CDKAL1: variants seen among roughly 807,000 people sequenced by gnomAD.
CDKAL1 encodes the protein threonylcarbamoyladenosine tRNA methylthiotransferase.
A neutral mutation model predicts 68.2 loss-of-function variants in CDKAL1; 32 were observed. The observed-to-expected ratio is 0.47, with a 90% CI of 0.35 to 0.63. CDKAL1 has a LOEUF of 0.63. Ranked by LOEUF, CDKAL1 falls within the 30% of genes least tolerant of loss-of-function variation. The pLI is 0.00. For missense variants in CDKAL1, 606 were observed against 696.7 expected (o/e 0.87, Z 1.47); for synonymous variants, 234 against 244.3 (o/e 0.96, Z 0.39).
At chr6:20,996,775 A>T (rs1767137886) in intron 10 of CDKAL1, among the ~76,000 whole-genome samples, 1 of 152,248 alleles carries the variant, frequency 6.6e-6, no homozygotes, top group South Asian at 2.1e-4. Context: ...CATGCTTGAC[A>T]CAGGGTTGCC....
At chr6:21,013,633 A>G (rs1768141177) in intron 11 of CDKAL1, among the ~76,000 whole-genome samples, 2 of 152,208 alleles carry the variant, frequency 1.3e-5, no homozygotes, top group South Asian at 4.1e-4. Flanking sequence ...CTCTATAGCT[A>G]TAGACTAAGT....
intron 6 of CDKAL1, among the ~76,000 whole-genome samples, chr6:20,748,473 G>A (rs1300946093): frequency 1.4e-5 from 2 of 147,720 alleles, no homozygotes; most frequent in Non-Finnish European, 3.0e-5. Flanking sequence ...GCTGTGGTGA[G>A]TTCCAGGCTG....
At chr6:20,884,483 C>T (rs960936448) in intron 9 of CDKAL1, among the ~76,000 whole-genome samples, 6 of 152,272 alleles carry the variant, frequency 3.9e-5, no homozygotes, top group Non-Finnish European at 5.9e-5. Flanking sequence ...TGCTATTCAA[C>T]GTTGTACTCG....
At chr6:20,611,705 T>C (rs1311973750) in intron 4 of CDKAL1, among the ~76,000 whole-genome samples, 5 of 152,168 alleles carry the variant, frequency 3.3e-5, no homozygotes, top group Non-Finnish European at 7.3e-5. Context: ...ATATTTGGGG[T>C]GTTCATTGCC....
intron 5 of CDKAL1, among the ~76,000 whole-genome samples, chr6:20,695,289 C>T (rs916921397): frequency 2.0e-5 from 3 of 152,158 alleles, no homozygotes; most frequent in Non-Finnish European, 4.4e-5. Flanking sequence ...TAAAAAATAT[C>T]TAGGGCTTTT....
At chr6:21,197,975 T>C in intron 13 of CDKAL1, 46 bp from the exon 14 acceptor site, 1 of 1,209,608 alleles carries the variant, frequency 8.3e-7, no homozygotes, top group Non-Finnish European at 1.2e-6. Flanking sequence ...GATTCACAGG[T>C]GTTTACCCTT....
intron 11 of CDKAL1, 102 bp from the exon 12 acceptor site, chr6:21,064,942 TAAAA>T: frequency 1.4e-6 from 1 of 704,326 alleles, no homozygotes; most frequent in Non-Finnish European, 2.1e-6. Flanking sequence ...GTGCTTTTTA[TAAAA>T]ATAAATTTTA....
intron 4 of CDKAL1, among the ~76,000 whole-genome samples, chr6:20,579,680 G>A (rs1411704014): frequency 6.6e-6 from 1 of 152,108 alleles, no homozygotes; most frequent in Non-Finnish European, 1.5e-5. Context: ...AACCTGGCTG[G>A]TCTGATTTCA....
intron 5 of CDKAL1, among the ~76,000 whole-genome samples, chr6:20,691,720 G>A (rs1387623536): frequency 6.6e-6 from 1 of 152,094 alleles, no homozygotes; most frequent in African/African-American, 2.4e-5. Flanking sequence ...GTGAAAGAAA[G>A]CTCATTATGC....
intron 8 of CDKAL1, among the ~76,000 whole-genome samples, chr6:20,818,945 A>G (rs922988012): frequency 2.6e-5 from 4 of 151,992 alleles, no homozygotes; most frequent in Non-Finnish European, 5.9e-5. Flanking sequence ...ATTAACTGTT[A>G]TAGGAGTGTA....
intron 5 of CDKAL1, among the ~76,000 whole-genome samples, chr6:20,679,895 A>T (rs950003453): frequency 2.0e-5 from 3 of 151,848 alleles, no homozygotes; most frequent in African/African-American, 7.3e-5. Context: ...GTACTGGTTG[A>T]CCCTTTTAAT....
At position 21,226,913 on chromosome 6, in the gene CDKAL1, C is replaced by T. The variant is rs190599433; in HGVS notation, c.1549-3935C>T. On this transcript the variant is annotated intron_variant, in intron 15 of 15. Coordinates refer to ENST00000274695, the MANE Select transcript of CDKAL1 (RefSeq NM_017774.3). ...ATTTTTAATAGAGACGGGGTTTCAC[C>T]GTGTTAGCCAGGATGGTCTCATCTC... is the stretch of plus-strand genomic sequence containing the variant. Among the ~76,000 whole-genome samples the T allele has an allele frequency of 3.2e-3, 492 of 152,316 alleles. 4 individuals carry two copies. The highest frequency in any genetic ancestry group is 0.011 in the African/African-American group (463 of 41,572).
intron 8 of CDKAL1, among the ~76,000 whole-genome samples, chr6:20,783,090 C>T (rs1391872429): frequency 5.9e-5 from 9 of 152,056 alleles, no homozygotes; most frequent in South Asian, 4.1e-4. Context: ...CCACCATGCC[C>T]GGTTAATTTT....
At chr6:20,991,575 C>T (rs182369804) in intron 10 of CDKAL1, among the ~76,000 whole-genome samples, 1 of 151,592 alleles carries the variant, frequency 6.6e-6, no homozygotes, top group African/African-American at 2.4e-5. Context: ...GGCATGGTGG[C>T]GGGCGCCTGT....
At chr6:21,112,571 T>C (rs1774178515) in intron 13 of CDKAL1, among the ~76,000 whole-genome samples, 1 of 152,228 alleles carries the variant, frequency 6.6e-6, no homozygotes, top group Non-Finnish European at 1.5e-5. Context: ...AACATTGTCA[T>C]CTAGCTCCTG....
chr6:20,602,795 G>A (rs534406067), intron 4 of CDKAL1, among the ~76,000 whole-genome samples: 48 of 152,278 alleles, frequency 3.2e-4, no homozygotes, highest in African/African-American at 1.1e-3. Flanking sequence ...TTGGAGCAGT[G>A]AGGCATTCTT....
intron 11 of CDKAL1, among the ~76,000 whole-genome samples, chr6:21,014,330 G>A (rs954011602): frequency 6.6e-6 from 1 of 152,210 alleles, no homozygotes; most frequent in Non-Finnish European, 1.5e-5. Context: ...CGGGCCGGGT[G>A]TGGTGGCTCA....
intron 14 of CDKAL1, among the ~76,000 whole-genome samples, chr6:21,198,605 T>A (rs531870551): frequency 9.8e-5 from 15 of 152,314 alleles, no homozygotes; most frequent in Admixed American, 2.0e-4. Context: ...TCTACCTTAA[T>A]AAAAATGCTG....
chr6:20,716,758 C>G (rs1772116209), intron 5 of CDKAL1, among the ~76,000 whole-genome samples: 1 of 150,966 alleles, frequency 6.6e-6, no homozygotes, highest in South Asian at 2.1e-4. Flanking sequence ...TACTAGATAC[C>G]TGAGTTGATA....
Sources: gnomAD v4.1 joint callset for allele counts (sites outside exome capture counted in the v4.1 genomes callset) on GRCh38, gnomAD v4.1.1 for gene constraint, MANE v1.5 for transcripts, NCBI Gene and HGNC (gene_info 2026-07-23, HGNC 2026-07-21) for gene names.